The following NHS variants were observed in gnomAD, a reference collection of about 807,000 sequenced individuals.
NHS encodes the protein actin remodeling regulator NHS.
In NHS, 5 loss-of-function variants were observed where a neutral mutation model predicts 72.5. The ratio of observed to expected loss-of-function variants is 0.07; its 90% CI spans 0.04 to 0.14. The LOEUF is 0.14. Among genes scored for constraint, NHS ranks in the 10% least tolerant of loss-of-function variants. The pLI, the probability that NHS is intolerant of heterozygous loss-of-function variation, is 1.00. For missense variants in NHS, 1,072 were observed against 1,355.7 expected, an observed-to-expected ratio of 0.79 and a Z score of 3.29; for synonymous variants, 464 against 547.7, an observed-to-expected ratio of 0.85 and a Z score of 2.13.
intron 1 of NHS, among the ~76,000 whole-genome samples, chrX:17,446,985 A>G (rs2064784119): frequency 1.8e-5 from 2 of 111,868 alleles, no homozygotes; most frequent in Non-Finnish European, 3.8e-5. Context: ...TTCAGCTTTC[A>G]CTGTCATAAA....
intron 1 of NHS, among the ~76,000 whole-genome samples, chrX:17,666,708 G>GA (rs1352890088): frequency 8.9e-6 from 1 of 112,780 alleles, no homozygotes; most frequent in Non-Finnish European, 1.9e-5. Context: ...GATTCATCAG[G>GA]ATAGGATAGG....
At chrX:17,504,536 C>T (rs2065048314) in intron 1 of NHS, among the ~76,000 whole-genome samples, 1 of 112,338 alleles carries the variant, frequency 8.9e-6, no homozygotes, top group African/African-American at 3.2e-5. Flanking sequence ...TCACCCTCTT[C>T]TTACATCATC....
chrX:17,527,764 T>C (rs1178690744), intron 1 of NHS, among the ~76,000 whole-genome samples: 1 of 111,548 alleles, frequency 9.0e-6, no homozygotes, highest in Non-Finnish European at 1.9e-5. Flanking sequence ...TGCGTTGAAT[T>C]CTTAAAGTAA....
chrX:17,424,414 G>C (rs1056645076), intron 1 of NHS, among the ~76,000 whole-genome samples: 1 of 111,747 alleles, frequency 8.9e-6, no homozygotes, highest in African/African-American at 3.3e-5. Context: ...GAGATGGATT[G>C]ATTGGGCCTA....
intron 1 of NHS, among the ~76,000 whole-genome samples, chrX:17,600,650 TC>T (rs2065644945): frequency 8.9e-6 from 1 of 111,744 alleles, no homozygotes; most frequent in Non-Finnish European, 1.9e-5. Flanking sequence ...TTTAGTATTT[TC>T]CAGTAGATCT....
At chrX:17,505,797 AATATTGTGTGG>A (rs1299434117) in intron 1 of NHS, among the ~76,000 whole-genome samples, 1 of 110,318 alleles carries the variant, frequency 9.1e-6, no homozygotes, top group East Asian at 2.9e-4. Context: ...TGAGGGTGAA[AATATTGTGTGG>A]ATATGTGTGT....
chrX:17,517,936 A>G (rs895305657), intron 1 of NHS, among the ~76,000 whole-genome samples: 19 of 111,860 alleles, frequency 1.7e-4, no homozygotes, highest in Non-Finnish European at 3.8e-5. Context: ...TCCCTAGAGT[A>G]TAGATGAAAT....
At chrX:17,533,700 TGGTCTTG>T (rs2065209908) in intron 1 of NHS, among the ~76,000 whole-genome samples, 1 of 112,103 alleles carries the variant, frequency 8.9e-6, no homozygotes, top group African/African-American at 3.2e-5. Flanking sequence ...GTCATAGGCA[TGGTCTTG>T]GGTCTTGGAG....
At chrX:17,583,984 C>T (rs2065559234) in intron 1 of NHS, among the ~76,000 whole-genome samples, 1 of 111,808 alleles carries the variant, frequency 8.9e-6, no homozygotes. Context: ...GTCTCTTTTT[C>T]CTGCTCTGTT....
chrX:17,556,141 T>C (rs1601767884), intron 1 of NHS, among the ~76,000 whole-genome samples: 1 of 112,844 alleles, frequency 8.9e-6, no homozygotes, highest in Non-Finnish European at 1.9e-5. Context: ...TTATTTTCAA[T>C]TGTTTCTTTC....
intron 1 of NHS, among the ~76,000 whole-genome samples, chrX:17,436,942 C>T (rs946852993): frequency 1.1e-4 from 12 of 111,737 alleles, no homozygotes; most frequent in Admixed American, 4.7e-4. Flanking sequence ...AAGCTAGGAC[C>T]GGAAACCTGG....
intron 1 of NHS, among the ~76,000 whole-genome samples, chrX:17,437,372 G>GTT (rs2064728979): frequency 8.9e-6 from 1 of 111,741 alleles, no homozygotes; most frequent in African/African-American, 3.3e-5. Context: ...ACACTAGGAG[G>GTT]TTTTGATGCG....
rs2066489635 is a variant in NHS at position 17,731,925 on chromosome X, C to A, written c.4417C>A (p.Pro1473Thr). 9 of 1,209,239 alleles carry A rather than the reference C, an allele frequency of 7.4e-6. No individual in the cohort carries two copies. In the East Asian group the frequency reaches 1.2e-4, roughly 16 times the overall value. ...GTCTGTTCGAAGCAAATCGAGAGCTCCCCTCAGCAGTAGCAGCAGCAGCGC... is the reference window on the plus strand; with the variant it reads ...GTCTGTTCGAAGCAAATCGAGAGCTACCCTCAGCAGTAGCAGCAGCAGCGC... ...DMSVRSKSRA[P>T]LSSSSSSASS... The change falls in exon 9 of 9, where the codon CCC (proline) becomes ACC (threonine). Residue 1473 changes from proline to threonine, a missense_variant. Coordinates refer to ENST00000676302, the MANE Select transcript of NHS (RefSeq NM_001291867.2).
At chrX:17,408,458 A>G (rs1356654868) in intron 1 of NHS, among the ~76,000 whole-genome samples, 1 of 111,423 alleles carries the variant, frequency 9.0e-6, no homozygotes, top group Admixed American at 9.5e-5. Flanking sequence ...TGTGTTTTCC[A>G]CTAGATTATG....
intron 1 of NHS, among the ~76,000 whole-genome samples, chrX:17,425,276 A>G (rs1419545180): frequency 1.8e-5 from 2 of 110,886 alleles, no homozygotes; most frequent in Non-Finnish European, 3.8e-5. Flanking sequence ...GACCTGTCAA[A>G]TTCACAGAAA....
chrX:17,432,117 A>G (rs1464123390), intron 1 of NHS, among the ~76,000 whole-genome samples: 1 of 112,697 alleles, frequency 8.9e-6, no homozygotes, highest in East Asian at 2.8e-4. Flanking sequence ...CAGGGGGTAA[A>G]CACAGCTTTG....
At position 17,375,963 on chromosome X, in the gene NHS, C is replaced by T; in HGVS notation, c.206C>T (p.Pro69Leu). ...GTCCCTGCACCTTCAGGGCTGCCACCGCCGCCGCCGCCACTGCCCGCGCCG... is the reference window on the plus strand; with the variant it reads ...GTCCCTGCACCTTCAGGGCTGCCACTGCCGCCGCCGCCACTGCCCGCGCCG... ...RAVPAPSGLP[P>L]PPPPLPAPAD... Residue 69 changes from proline to leucine, a missense_variant, in exon 1 of 9, where the codon CCG becomes CTG. Coordinates refer to ENST00000676302, the MANE Select transcript of NHS (RefSeq NM_001291867.2). The T allele has an allele frequency of 9.5e-7, 1 of 1,054,605 alleles. No individual in the cohort carries two copies. Among genetic ancestry groups the T allele is most frequent in the African/African-American group, 2.4e-5 (1 of 41,794 alleles). The allele number at this position is 1,054,605 out of a possible 1,213,427, so 86.9% of individuals were successfully genotyped here.
At chrX:17,577,270 A>G (rs779824840) in intron 1 of NHS, among the ~76,000 whole-genome samples, 1 of 112,166 alleles carries the variant, frequency 8.9e-6, no homozygotes, top group African/African-American at 3.2e-5. Flanking sequence ...GGGAATTATG[A>G]TGGATCCATT....
At chrX:17,663,520 T>G (rs1168338454) in intron 1 of NHS, among the ~76,000 whole-genome samples, 2 of 112,188 alleles carry the variant, frequency 1.8e-5, no homozygotes, top group African/African-American at 6.5e-5. Flanking sequence ...TCATTCAGCA[T>G]AGTATTTTTG....
Sources: gnomAD v4.1 joint callset for allele counts (sites outside exome capture counted in the v4.1 genomes callset) on GRCh38, gnomAD v4.1.1 for gene constraint, MANE v1.5 for transcripts, NCBI Gene and HGNC (gene_info 2026-07-23, HGNC 2026-07-21) for gene names.